The following EBF2 variants were observed in gnomAD, a reference collection of about 807,000 sequenced individuals.
EBF2 encodes the protein EBF transcription factor 2.
EBF2 carries 21 observed loss-of-function variants against 72.8 expected under a neutral mutation model. The observed-to-expected ratio is 0.29, with a 90% confidence interval of 0.20 to 0.42. EBF2 has a LOEUF of 0.42. EBF2 is among the 10% of genes least tolerant of loss of function. The probability of loss-of-function intolerance (pLI) is 1.00; values close to 1 mark genes in which losing one functional copy is unlikely to be tolerated. For missense variants in EBF2, 637 were observed against 731.2 expected (o/e 0.87, Z 1.49); for synonymous variants, 299 against 274.2 (o/e 1.09, Z -0.89).
intron 9 of EBF2, among the ~76,000 whole-genome samples, chr8:25,887,373 T>C (rs1041059352): frequency 3.3e-5 from 5 of 152,206 alleles, no homozygotes; most frequent in Admixed American, 6.5e-5. Context: ...TCATGTTTTA[T>C]ATGATGATGA....
At chr8:25,990,185 T>TTA (rs1313277652) in intron 6 of EBF2, among the ~76,000 whole-genome samples, 4 of 140,870 alleles carry the variant, frequency 2.8e-5, no homozygotes, top group African/African-American at 5.7e-5. Flanking sequence ...GAGCTATGGG[T>TTA]TATACACACA....
intron 6 of EBF2, among the ~76,000 whole-genome samples, chr8:25,978,416 T>C (rs1804302413): frequency 1.3e-5 from 2 of 152,192 alleles, no homozygotes. Flanking sequence ...GGCTGTTAGC[T>C]GCGGATCTCC....
intron 7 of EBF2, among the ~76,000 whole-genome samples, chr8:25,890,339 G>A: frequency 6.6e-6 from 1 of 152,220 alleles, no homozygotes. Flanking sequence ...CTGGTGAATT[G>A]TCTGTGGTGT....
intron 6 of EBF2, among the ~76,000 whole-genome samples, chr8:25,935,799 A>C (rs1373568702): frequency 1.3e-5 from 2 of 152,174 alleles, no homozygotes; most frequent in Non-Finnish European, 2.9e-5. Context: ...CCTTCTTTTT[A>C]ATTAAAAACA....
At chr8:25,945,088 G>GCCCC (rs11461828) in intron 6 of EBF2, among the ~76,000 whole-genome samples, 8 of 127,472 alleles carry the variant, frequency 6.3e-5, no homozygotes, top group Admixed American at 9.1e-5. Flanking sequence ...TTGTTCTGTT[G>GCCCC]CCCCCCCCGC....
chr8:25,955,890 T>G (rs1033598216), intron 6 of EBF2, among the ~76,000 whole-genome samples: 3 of 152,188 alleles, frequency 2.0e-5, no homozygotes, highest in African/African-American at 4.8e-5. Flanking sequence ...AAGGAAACAC[T>G]GCTCTCCCAA....
chr8:25,992,830 C>T (rs1197341516), intron 6 of EBF2, among the ~76,000 whole-genome samples: 2 of 150,392 alleles, frequency 1.3e-5, no homozygotes, highest in East Asian at 2.0e-4. Flanking sequence ...CTTGAGCCCA[C>T]GGAGCAGAGG....
At chr8:25,931,393 T>G (rs1375568314) in intron 6 of EBF2, among the ~76,000 whole-genome samples, 1 of 152,100 alleles carries the variant, frequency 6.6e-6, no homozygotes, top group Non-Finnish European at 1.5e-5. Context: ...AGCAGCAAGG[T>G]TTGGACGACT....
chr8:25,865,831 C>T (rs1265796014), intron 10 of EBF2, among the ~76,000 whole-genome samples: 2 of 151,700 alleles, frequency 1.3e-5, no homozygotes, highest in Admixed American at 1.3e-4. Flanking sequence ...CGAGACTATC[C>T]TGGCTAACAC....
intron 6 of EBF2, among the ~76,000 whole-genome samples, chr8:25,961,862 C>T (rs75493497): frequency 6.6e-6 from 1 of 152,218 alleles, no homozygotes; most frequent in East Asian, 1.9e-4. Flanking sequence ...AATTCATTTG[C>T]CCATTATTCT....
chr8:25,879,604 G>A (rs1487784102), intron 10 of EBF2, among the ~76,000 whole-genome samples: 1 of 152,152 alleles, frequency 6.6e-6, no homozygotes, highest in African/African-American at 2.4e-5. Flanking sequence ...CCTGGAAAAA[G>A]ACCCACTCTC....
At chr8:25,930,356 T>C (rs554974554) in intron 6 of EBF2, among the ~76,000 whole-genome samples, 2 of 152,298 alleles carry the variant, frequency 1.3e-5, no homozygotes, top group East Asian at 3.9e-4. Flanking sequence ...TGTGTGACTT[T>C]AGGGAAGTCA....
intron 6 of EBF2, among the ~76,000 whole-genome samples, chr8:25,981,689 G>C (rs1026758592): frequency 1.3e-5 from 2 of 151,860 alleles, no homozygotes; most frequent in African/African-American, 4.8e-5. Context: ...CCAGCTACTA[G>C]GGAGGCTGAG....
At chr8:26,014,196 A>T (rs147508712) in intron 6 of EBF2, among the ~76,000 whole-genome samples, 123 of 152,224 alleles carry the variant, frequency 8.1e-4, no homozygotes, top group African/African-American at 2.9e-3. Context: ...ATATATTTTA[A>T]ATCTTAACTT....
Position 25,844,631 on chromosome 8 carries a change from C to G in EBF2, c.1706G>C (p.Gly569Ala). ...TCTTTACATCGGGGGTACAACAAGT[C>G]CGGTCATGGCTGCAAGGAAAGAGTG... ...GNGNGFRAMTGLVVPPM is the reference protein window; with the variant it reads ...GNGNGFRAMTALVVPPM The change falls in exon 16 of 16, where the codon GGA becomes GCA. Residue 569 changes from glycine (G) to alanine (A), a missense_variant. This residue lies in a region of EBF2 where 259 missense variants were observed against 268.1 expected (regional missense o/e 0.97). Coordinates refer to ENST00000520164, the MANE Select transcript of EBF2 (RefSeq NM_022659.4). 6.2e-7 allele frequency: 1 copy of G among 1,613,954 alleles called. No individual in the cohort carries two copies. The highest frequency in any genetic ancestry group is 8.5e-7 in the Non-Finnish European group (1 of 1,179,904).
chr8:25,859,831 C>T (rs1054198605), intron 13 of EBF2, among the ~76,000 whole-genome samples: 2 of 151,888 alleles, frequency 1.3e-5, no homozygotes, highest in African/African-American at 2.4e-5. Context: ...ATCCTCCCAC[C>T]TCAACCTCCC....
intron 6 of EBF2, among the ~76,000 whole-genome samples, chr8:25,996,172 C>T (rs578157615): frequency 5.9e-4 from 90 of 151,884 alleles, no homozygotes; most frequent in South Asian, 3.3e-3. Context: ...CATGGTCCCA[C>T]GCCTGTCATC....
intron 6 of EBF2, among the ~76,000 whole-genome samples, chr8:25,922,192 G>C (rs191413389): frequency 4.6e-4 from 70 of 151,860 alleles, no homozygotes; most frequent in African/African-American, 1.7e-3. Context: ...GCTTGGCTGA[G>C]CCCAGCCCAA....
At chr8:26,022,407 T>G (rs1805217637) in intron 6 of EBF2, among the ~76,000 whole-genome samples, 4 of 152,172 alleles carry the variant, frequency 2.6e-5, no homozygotes, top group Admixed American at 2.6e-4. Context: ...ACCATTTATC[T>G]CCAGAGAGAC....
Sources: gnomAD v4.1 joint callset for allele counts (sites outside exome capture counted in the v4.1 genomes callset) on GRCh38, gnomAD v4.1.1 for gene constraint, gnomAD v4.1.1 regional missense constraint, MANE v1.5 for transcripts, NCBI Gene and HGNC (gene_info 2026-07-23, HGNC 2026-07-21) for gene names.